TCERG1L: variants seen among roughly 807,000 people sequenced by gnomAD.
The protein encoded by TCERG1L is transcription elongation regulator 1 like.
A neutral mutation model predicts 56.3 loss-of-function variants in TCERG1L; 37 were observed. The ratio of observed to expected loss-of-function variants is 0.66; its 90% CI spans 0.51 to 0.87. TCERG1L has a LOEUF of 0.87. Ranked by LOEUF, TCERG1L falls within the 40% of genes least tolerant of loss-of-function variation. The pLI is 0.00. For missense variants in TCERG1L, 799 were observed against 774.2 expected (o/e 1.03, Z -0.38); for synonymous variants, 324 against 326.3 (o/e 0.99, Z 0.08).
rs1334486744 is a variant in TCERG1L at position 131,229,719 on chromosome 10, T to A, written c.856+30540A>T. 2.0e-5 allele frequency among the ~76,000 whole-genome samples: 3 copies of A among 152,110 alleles called. No homozygotes were observed. The East Asian group carries it at 5.8e-4, about 29-fold the overall frequency. On this transcript the variant is annotated intron_variant, in intron 4 of 11. Transcript: ENST00000368642. ...AATATTTAGAATATTTATAGAATAT[T>A]TACCTCCTAAATATTTAGAATATTT... is the stretch of plus-strand genomic sequence containing the variant.
intron 4 of TCERG1L, among the ~76,000 whole-genome samples, chr10:131,215,737 G>A (rs547880676): frequency 1.3e-5 from 2 of 152,306 alleles, no homozygotes; most frequent in East Asian, 1.9e-4. Flanking sequence ...CTAAGGACAG[G>A]GAAGAAAGTT....
At chr10:131,156,747 C>T (rs964360373) in intron 6 of TCERG1L, among the ~76,000 whole-genome samples, 8 of 151,922 alleles carry the variant, frequency 5.3e-5, no homozygotes, top group Admixed American at 3.3e-4. Flanking sequence ...GTGCATGCAG[C>T]CCCCCAGTCA....
intron 4 of TCERG1L, among the ~76,000 whole-genome samples, chr10:131,183,311 T>C (rs1845200337): frequency 6.6e-6 from 1 of 152,208 alleles, no homozygotes; most frequent in Admixed American, 6.5e-5. Context: ...TTTAAAATAA[T>C]CAATCCTATA....
At chr10:131,265,488 G>T (rs1564829181) in intron 3 of TCERG1L, among the ~76,000 whole-genome samples, 1 of 152,180 alleles carries the variant, frequency 6.6e-6, no homozygotes, top group East Asian at 1.9e-4. Flanking sequence ...CTTCTGCCCA[G>T]CTCCAGGCCC....
At chr10:131,246,216 C>G (rs1846035198) in intron 4 of TCERG1L, among the ~76,000 whole-genome samples, 1 of 152,172 alleles carries the variant, frequency 6.6e-6, no homozygotes, top group African/African-American at 2.4e-5. Context: ...AGAGGGGTGG[C>G]TGCACTCAGT....
At chr10:131,132,031 G>A (rs77056545) in intron 8 of TCERG1L, among the ~76,000 whole-genome samples, 3,954 of 152,312 alleles carry the variant, frequency 0.026, 126 homozygotes, top group Non-Finnish European at 0.032. Context: ...TGTTGATGCT[G>A]ATGGTTCACC....
At chr10:131,223,093 A>C (rs1408391143) in intron 4 of TCERG1L, among the ~76,000 whole-genome samples, 1 of 152,156 alleles carries the variant, frequency 6.6e-6, no homozygotes, top group African/African-American at 2.4e-5. Context: ...ACGAGATCCC[A>C]GAGGATGCCG....
chr10:131,216,593 A>T lies in TCERG1L; in HGVS notation c.856+43666T>A, dbSNP rs147296375. Among the ~76,000 whole-genome samples, 84 of 152,352 alleles carry T rather than the reference A, an allele frequency of 5.5e-4. No individual in the cohort carries two copies. In the East Asian group the frequency reaches 8.7e-3, roughly 16 times the overall value. ...ACAAGGACAAACTTTTCTGAAACTC[A>T]ATAACTACCATTTCTTTTTTATTTA... is the stretch of plus-strand genomic sequence containing the variant. On this transcript the variant is annotated intron_variant, in intron 4 of 11. Coordinates refer to ENST00000368642, the MANE Select transcript of TCERG1L (RefSeq NM_174937.4).
intron 8 of TCERG1L, among the ~76,000 whole-genome samples, chr10:131,120,839 C>G (rs1308651288): frequency 6.6e-6 from 1 of 152,212 alleles, no homozygotes; most frequent in Admixed American, 6.5e-5. Flanking sequence ...CCTGCTCCTT[C>G]ACTCCTTCCC....
chr10:131,132,788 C>G (rs1845631787), intron 8 of TCERG1L, among the ~76,000 whole-genome samples: 1 of 152,130 alleles, frequency 6.6e-6, no homozygotes, highest in Admixed American at 6.5e-5. Flanking sequence ...AAGTGACTTT[C>G]TAAGGAGGAG....
chr10:131,184,668 G>A (rs1433660531), intron 4 of TCERG1L, among the ~76,000 whole-genome samples: 2 of 152,170 alleles, frequency 1.3e-5, no homozygotes, highest in Admixed American at 6.5e-5. Flanking sequence ...CCTGCTACTC[G>A]CTGATTCTAA....
At position 131,261,827 on chromosome 10, in the gene TCERG1L, C is replaced by T. The variant is rs1846239450; in HGVS notation, c.671-1383G>A. On this transcript the variant is annotated intron_variant, in intron 3 of 11. Coordinates refer to ENST00000368642, the MANE Select transcript of TCERG1L (RefSeq NM_174937.4). Reference sequence around the variant, plus strand: ...GCATAGTGGGAAAGCAGGGAGAGGGCATCTAGCCTTGGTGTGTGGGCCTCA... The same window carrying T: ...GCATAGTGGGAAAGCAGGGAGAGGGTATCTAGCCTTGGTGTGTGGGCCTCA... Among the ~76,000 whole-genome samples, 3 of 152,168 alleles carry T rather than the reference C, an allele frequency of 2.0e-5. No homozygotes were observed. The South Asian group carries it at 6.2e-4, about 32-fold the overall frequency.
At chr10:131,135,770 G>C (rs76278737) in intron 7 of TCERG1L, among the ~76,000 whole-genome samples, 4,963 of 152,350 alleles carry the variant, frequency 0.033, 82 homozygotes, top group South Asian at 0.059. Context: ...TTCCAGCAAG[G>C]CTGCAGTATC....
At chr10:131,148,393 C>A (rs940751237) in intron 6 of TCERG1L, among the ~76,000 whole-genome samples, 2 of 151,376 alleles carry the variant, frequency 1.3e-5, no homozygotes, top group Non-Finnish European at 2.9e-5. Flanking sequence ...CACACATAAA[C>A]ACACAGATAT....
At chr10:131,201,755 G>A (rs1418569727) in intron 4 of TCERG1L, among the ~76,000 whole-genome samples, 1 of 152,090 alleles carries the variant, frequency 6.6e-6, no homozygotes. Context: ...GTCCTCATGC[G>A]TCCTTCTCTG....
chr10:131,172,082 G>C (rs1475721596), intron 4 of TCERG1L, among the ~76,000 whole-genome samples: 1 of 152,198 alleles, frequency 6.6e-6, no homozygotes, highest in Non-Finnish European at 1.5e-5. Flanking sequence ...ATCCATAAAA[G>C]AAACTGTCTT....
chr10:131,176,302 AC>A (rs1846148266), intron 4 of TCERG1L, among the ~76,000 whole-genome samples: 1 of 151,914 alleles, frequency 6.6e-6, no homozygotes, highest in Non-Finnish European at 1.5e-5. Flanking sequence ...ACATGCACAC[AC>A]AGAGACACAT....
chr10:131,209,156 G>A (rs974867131), intron 4 of TCERG1L, among the ~76,000 whole-genome samples: 4 of 152,064 alleles, frequency 2.6e-5, no homozygotes, highest in Non-Finnish European at 4.4e-5. Context: ...TATAGGGTGC[G>A]TAGGGAACAT....
rs927971805 is a variant in TCERG1L, at chr10:131,165,277, G to A, written c.945+1520C>T. 5.3e-5 allele frequency among the ~76,000 whole-genome samples: 8 copies of A among 152,272 alleles called. No individual in the cohort carries two copies. The East Asian group carries it at 7.7e-4, about 15-fold the overall frequency. ...TAAAGCACTCAGCCAGAAGCATCTC[G>A]CACAGTCTCCAGCGTGAGGGTGAAC... On this transcript the variant is annotated intron_variant, in intron 5 of 11. Transcript: ENST00000368642.
Sources: allele counts gnomAD v4.1 joint callset (sites outside exome capture counted in the v4.1 genomes callset), GRCh38; gene constraint gnomAD v4.1.1; transcripts MANE v1.5; gene names NCBI Gene and HGNC (gene_info 2026-07-23, HGNC 2026-07-21).